CTNNA3: variants seen among roughly 807,000 people sequenced by gnomAD.
CTNNA3 encodes the protein catenin alpha-3.
A neutral mutation model predicts 95.7 loss-of-function variants in CTNNA3; 76 were observed. The observed-to-expected ratio is 0.79, with a 90% confidence interval of 0.66 to 0.96. The LOEUF (loss-of-function observed/expected upper bound fraction) is 0.96. Ranked by LOEUF, CTNNA3 falls within the 40% of genes least tolerant of loss-of-function variation. CTNNA3 has a pLI of 0.00. For synonymous variants in CTNNA3, 431 were observed against 374.4 expected (o/e 1.15, Z -1.74); for missense variants, 1,191 against 1,089.8 (o/e 1.09, Z -1.31).
At chr10:66,612,239 C>A (rs1203420920) in intron 10 of CTNNA3, among the ~76,000 whole-genome samples, 1 of 152,082 alleles carries the variant, frequency 6.6e-6, no homozygotes, top group Non-Finnish European at 1.5e-5. Context: ...TTATTCAGAT[C>A]CTGACTTCTG....
chr10:66,939,910 T>C (rs1847906933), intron 7 of CTNNA3, among the ~76,000 whole-genome samples: 1 of 152,228 alleles, frequency 6.6e-6, no homozygotes, highest in African/African-American at 2.4e-5. Flanking sequence ...GTTCTCTCTT[T>C]GTTATCCACT....
intron 13 of CTNNA3, among the ~76,000 whole-genome samples, chr10:66,160,607 T>C (rs1330410726): frequency 1.3e-5 from 2 of 152,138 alleles, no homozygotes; most frequent in African/African-American, 4.8e-5. Flanking sequence ...TATTATATGG[T>C]CTATCTTGGA....
At chr10:66,592,578 T>G (rs956619449) in intron 10 of CTNNA3, among the ~76,000 whole-genome samples, 8 of 152,064 alleles carry the variant, frequency 5.3e-5, no homozygotes, top group African/African-American at 1.9e-4. Context: ...ACATATAGAA[T>G]TAAATAAACA....
intron 5 of CTNNA3, among the ~76,000 whole-genome samples, chr10:67,351,010 C>T (rs1021293815): frequency 2.0e-4 from 31 of 151,298 alleles, no homozygotes; most frequent in African/African-American, 7.0e-4. Context: ...AATGGTGATA[C>T]GCCCATAGTG....
At chr10:66,425,457 T>A (rs187915762) in intron 11 of CTNNA3, among the ~76,000 whole-genome samples, 1 of 152,028 alleles carries the variant, frequency 6.6e-6, no homozygotes, top group Admixed American at 6.6e-5. Context: ...TTTCCTTTTA[T>A]TAATTGTGTA....
chr10:66,765,718 T>C (rs1839820202), intron 9 of CTNNA3, among the ~76,000 whole-genome samples: 1 of 152,130 alleles, frequency 6.6e-6, no homozygotes, highest in Non-Finnish European at 1.5e-5. Flanking sequence ...CCAAAAATCA[T>C]GGTGCATTCC....
At chr10:67,098,861 T>C (rs1047433092) in intron 7 of CTNNA3, 1 of 151,894 alleles carries the variant, frequency 6.6e-6, no homozygotes, top group Non-Finnish European at 1.5e-5. Flanking sequence ...CAGTGCAAAA[T>C]GTGCCTGGTT....
intron 14 of CTNNA3, among the ~76,000 whole-genome samples, chr10:66,096,238 C>A (rs984483841): frequency 5.3e-5 from 8 of 152,120 alleles, no homozygotes; most frequent in African/African-American, 1.9e-4. Context: ...ACACTATAAT[C>A]AAAGTTTAAG....
chr10:65,953,232 G>A (rs2077655220), intron 17 of CTNNA3, among the ~76,000 whole-genome samples: 1 of 152,046 alleles, frequency 6.6e-6, no homozygotes, highest in Admixed American at 6.5e-5. Flanking sequence ...AATGCCTTGA[G>A]GTAAGTCAGA....
chr10:66,808,226 T>G (rs1175520449), intron 7 of CTNNA3, among the ~76,000 whole-genome samples: 1 of 152,104 alleles, frequency 6.6e-6, no homozygotes, highest in African/African-American at 2.4e-5. Context: ...TCAAGCTGCA[T>G]CCAAAGATGT....
chr10:66,704,681 T>C (rs142796526), intron 9 of CTNNA3, among the ~76,000 whole-genome samples: 80 of 152,222 alleles, frequency 5.3e-4, no homozygotes, highest in African/African-American at 1.8e-3. Context: ...GAGCCTGTTT[T>C]TTGACTACAC....
intron 7 of CTNNA3, among the ~76,000 whole-genome samples, chr10:66,976,758 A>G (rs1850058200): frequency 6.6e-6 from 1 of 152,140 alleles, no homozygotes; most frequent in Non-Finnish European, 1.5e-5. Context: ...TATTCATTTC[A>G]TCTAGAGTAA....
intron 15 of CTNNA3, among the ~76,000 whole-genome samples, chr10:66,011,743 C>A (rs575213713): frequency 4.6e-5 from 7 of 152,150 alleles, no homozygotes; most frequent in Admixed American, 1.3e-4. Context: ...CTCTTAAGGG[C>A]CAAAAATCGA....
At chr10:66,012,867 A>G (rs1589248508) in intron 15 of CTNNA3, among the ~76,000 whole-genome samples, 1 of 152,228 alleles carries the variant, frequency 6.6e-6, no homozygotes, top group East Asian at 1.9e-4. Context: ...AATTCCTCAA[A>G]TTGGTCCTAG....
chr10:67,075,170 G>GCACACACACA (rs57260841), intron 7 of CTNNA3, among the ~76,000 whole-genome samples: 18,604 of 149,558 alleles, frequency 0.12, 1,399 homozygotes, highest in African/African-American at 0.22. Flanking sequence ...AAGGATTTCT[G>GCACACACACA]CACACACACA....
chr10:66,902,961 G>A (rs898754434), intron 7 of CTNNA3, among the ~76,000 whole-genome samples: 7 of 152,162 alleles, frequency 4.6e-5, no homozygotes. Context: ...AAGAGGAGCT[G>A]ATACCATTCC....
intron 7 of CTNNA3, among the ~76,000 whole-genome samples, chr10:66,857,388 A>G (rs1306521720): frequency 1.0e-5 from 1 of 96,236 alleles, no homozygotes; most frequent in Admixed American, 1.1e-4. Context: ...TATTTGGACT[A>G]ATTTTTTTTT....
At chr10:67,368,570 A>G (rs954952786) in intron 5 of CTNNA3, among the ~76,000 whole-genome samples, 2 of 152,240 alleles carry the variant, frequency 1.3e-5, no homozygotes, top group African/African-American at 4.8e-5. Context: ...ATGAATGTTC[A>G]TGACAGTTGT....
At chr10:66,309,597 A>G (rs2091979931) in intron 12 of CTNNA3, among the ~76,000 whole-genome samples, 1 of 146,966 alleles carries the variant, frequency 6.8e-6, no homozygotes, top group African/African-American at 2.5e-5. Context: ...GAGGCAGGGG[A>G]ATGGTGTGAA....
Sources: allele counts gnomAD v4.1 joint callset (sites outside exome capture counted in the v4.1 genomes callset), GRCh38; gene constraint gnomAD v4.1.1; transcripts MANE v1.5; gene names NCBI Gene and HGNC (gene_info 2026-07-23, HGNC 2026-07-21).